The following PNLIPRP3 variants were observed in gnomAD, a reference collection of about 807,000 sequenced individuals.
PNLIPRP3 encodes pancreatic lipase related protein 3.
In PNLIPRP3, 58 loss-of-function variants were observed where a neutral mutation model predicts 52.8. That is an observed-to-expected ratio of 1.10 (90% CI 0.89 to 1.37). The LOEUF (loss-of-function observed/expected upper bound fraction) is 1.37. PNLIPRP3 is among the 40% of genes most tolerant of loss of function. The pLI, the probability that PNLIPRP3 is intolerant of heterozygous loss-of-function variation, is 0.00. For missense variants in PNLIPRP3, 593 were observed against 561.6 expected (o/e 1.06, Z -0.57); for synonymous variants, 192 against 185.0 (o/e 1.04, Z -0.31).
At chr10:116,468,535 GT>G (rs1417423365) in intron 8 of PNLIPRP3, among the ~76,000 whole-genome samples, 2 of 152,168 alleles carry the variant, frequency 1.3e-5, no homozygotes, top group Non-Finnish European at 2.9e-5. Flanking sequence ...AGAGAAGAAT[GT>G]TAATGCATAA....
intron 4 of PNLIPRP3, among the ~76,000 whole-genome samples, chr10:116,449,015 C>CAA (rs59582445): frequency 1.5e-5 from 2 of 134,028 alleles, no homozygotes; most frequent in Admixed American, 7.5e-5. Context: ...GACTCCATCT[C>CAA]AAAAAAAAAA....
chr10:116,435,147 T>C (rs1335217271), intron 1 of PNLIPRP3, among the ~76,000 whole-genome samples: 1 of 152,192 alleles, frequency 6.6e-6, no homozygotes, highest in Non-Finnish European at 1.5e-5. Context: ...TATCTAGTTA[T>C]AATAATATAA....
intron 1 of PNLIPRP3, among the ~76,000 whole-genome samples, chr10:116,432,760 A>G (rs1490097408): frequency 2.0e-5 from 3 of 152,212 alleles, no homozygotes; most frequent in South Asian, 2.1e-4. Context: ...GTGGGTAAAC[A>G]TTCAAAAGTA....
intron 2 of PNLIPRP3, among the ~76,000 whole-genome samples, chr10:116,440,205 T>C (rs549941983): frequency 6.6e-6 from 1 of 152,300 alleles, no homozygotes; most frequent in African/African-American, 2.4e-5. Context: ...CTCTTAGGAC[T>C]CATCAGGCTC....
At chr10:116,462,228 C>T (rs1451005885) in intron 7 of PNLIPRP3, among the ~76,000 whole-genome samples, 2 of 151,262 alleles carry the variant, frequency 1.3e-5, no homozygotes, top group Non-Finnish European at 2.9e-5. Flanking sequence ...TAAAAGGCAC[C>T]GAAAGGTTAT....
intron 4 of PNLIPRP3, among the ~76,000 whole-genome samples, chr10:116,453,069 A>G (rs1846062055): frequency 6.6e-6 from 1 of 152,240 alleles, no homozygotes; most frequent in African/African-American, 2.4e-5. Flanking sequence ...TTGCACCCAG[A>G]GAAGCCACAG....
chr10:116,470,670 G>C (rs540500324), intron 9 of PNLIPRP3, among the ~76,000 whole-genome samples: 11 of 151,914 alleles, frequency 7.2e-5, no homozygotes, highest in Non-Finnish European at 1.6e-4. Context: ...CACCACGCTA[G>C]GCTAGTTTTT....
chr10:116,461,949 G>A (rs1412993332), intron 7 of PNLIPRP3, among the ~76,000 whole-genome samples: 1 of 152,098 alleles, frequency 6.6e-6, no homozygotes, highest in Non-Finnish European at 1.5e-5. Flanking sequence ...GCTGAAACTA[G>A]GTAAAAGGAA....
intron 1 of PNLIPRP3, among the ~76,000 whole-genome samples, chr10:116,435,912 A>G (rs993803932): frequency 1.3e-5 from 2 of 152,256 alleles, no homozygotes; most frequent in African/African-American, 4.8e-5. Context: ...ACAAAGCTGG[A>G]AGCAGCACAC....
At chr10:116,473,838 A>G (rs1262388946) in intron 10 of PNLIPRP3, among the ~76,000 whole-genome samples, 1 of 151,820 alleles carries the variant, frequency 6.6e-6, no homozygotes, top group Non-Finnish European at 1.5e-5. Context: ...TAAATTTCTA[A>G]TAGGCTATCT....
chr10:116,436,263 T>C (rs929190625), intron 1 of PNLIPRP3, among the ~76,000 whole-genome samples: 2 of 76,984 alleles, frequency 2.6e-5, no homozygotes, highest in African/African-American at 6.2e-5. Context: ...ATAGGTTTGT[T>C]CAACAAATGG....
chr10:116,443,653 T>A (rs1169503214), intron 3 of PNLIPRP3, among the ~76,000 whole-genome samples: 1 of 1,760 alleles, frequency 5.7e-4, no homozygotes, highest in African/African-American at 8.8e-4. Context: ...CACATATGTG[T>A]TTATATATAT....
chr10:116,446,763 A>G (rs1845959026), intron 4 of PNLIPRP3, among the ~76,000 whole-genome samples: 2 of 152,142 alleles, frequency 1.3e-5, no homozygotes, highest in Admixed American at 1.3e-4. Flanking sequence ...TAAATATAAA[A>G]CCAGCTACAA....
Position 116,471,891 on chromosome 10 carries a change from G to A in PNLIPRP3, c.1172+12G>A. The A allele has an allele frequency of 6.5e-7, 1 of 1,528,770 alleles. No individual in the cohort carries two copies. Among genetic ancestry groups the A allele is most frequent in the Non-Finnish European group, 9.1e-7 (1 of 1,103,810 alleles). 94.7% of individuals were successfully genotyped at this position (1,528,770 alleles called of 1,614,324 possible). On this transcript the variant is annotated intron_variant, in intron 10 of 11. Coordinates refer to ENST00000369230, the MANE Select transcript of PNLIPRP3 (RefSeq NM_001011709.3). ...TTTGCCATTGTCAGGTAGGCAGAGT[G>A]AGAAACTGACGCTTTGCACAGTGCT... is the stretch of plus-strand genomic sequence containing the variant.
intron 1 of PNLIPRP3, among the ~76,000 whole-genome samples, chr10:116,433,654 T>A (rs1363988102): frequency 1.3e-5 from 2 of 152,128 alleles, no homozygotes; most frequent in African/African-American, 4.8e-5. Flanking sequence ...TTTGACCACA[T>A]GACATGGAAG....
chr10:116,462,696 T>C (rs1160030105), intron 7 of PNLIPRP3, among the ~76,000 whole-genome samples: 1 of 152,136 alleles, frequency 6.6e-6, no homozygotes, highest in Non-Finnish European at 1.5e-5. Flanking sequence ...AAATTGATTT[T>C]CCCCATTATT....
At chr10:116,458,729 G>A (rs968160648) in intron 5 of PNLIPRP3, among the ~76,000 whole-genome samples, 2 of 152,052 alleles carry the variant, frequency 1.3e-5, no homozygotes, top group African/African-American at 2.4e-5. Context: ...GAGTTCCCCC[G>A]CTTTGTGGAC....
Position 116,445,558 on chromosome 10 carries a change from T to TA in PNLIPRP3, c.456+1056dup, listed in dbSNP as rs3032169. Among the ~76,000 whole-genome samples, 487 of 148,882 alleles carry TA rather than the reference T, an allele frequency of 3.3e-3. 9 individuals carry two copies. The highest frequency in any genetic ancestry group is 0.027 in the Admixed American group (408 of 15,054). Reference sequence around the variant, plus strand: ...CAGATTCATCTTCATCTTCTCTTTATAAAAAAAAAAAGCCAGCTGTAAGCT... The same window carrying TA: ...CAGATTCATCTTCATCTTCTCTTTATAAAAAAAAAAAAGCCAGCTGTAAGCT... On this transcript the variant is annotated intron_variant, in intron 4 of 11. Transcript: ENST00000369230.
intron 4 of PNLIPRP3, among the ~76,000 whole-genome samples, chr10:116,451,501 G>A (rs563048012): frequency 2.0e-5 from 3 of 152,282 alleles, no homozygotes; most frequent in African/African-American, 7.2e-5. Context: ...TTGGAGGTGG[G>A]AATAGTGGGA....
Sources: allele counts gnomAD v4.1 joint callset (sites outside exome capture counted in the v4.1 genomes callset), GRCh38; gene constraint gnomAD v4.1.1; transcripts MANE v1.5; gene names NCBI Gene and HGNC (gene_info 2026-07-23, HGNC 2026-07-21).